NKX2-5: variants seen among roughly 807,000 people sequenced by gnomAD.
NKX2-5 encodes NK2 homeobox 5.
Under a neutral mutation model 24.5 loss-of-function variants are expected in NKX2-5, and 3 were observed. The ratio of observed to expected loss-of-function variants is 0.12; its 90% CI spans 0.06 to 0.32. NKX2-5 has a LOEUF of 0.32. NKX2-5 is among the 10% of genes least tolerant of loss of function. NKX2-5 has a pLI of 1.00. For missense variants in NKX2-5, 429 were observed against 452.4 expected (o/e 0.95, Z 0.47); for synonymous variants, 215 against 217.6 (o/e 0.99, Z 0.11).
At position 173,233,150 on chromosome 5, in the gene NKX2-5, G is replaced by T. The variant is rs757630702; in HGVS notation, c.394C>A (p.Arg132=). 1 of 1,602,262 alleles carries T rather than the reference G, an allele frequency of 6.2e-7. No homozygotes were observed. ...LEKTEADNAE[R]PRARRRRKPR... ...TTCCTCCGCCGTCGCGCCCGGGGCC[G>T]CTCCGCGTTGTCCGCCTCTGTCTTC... is the stretch of plus-strand genomic sequence containing the variant. Residue 132 remains arginine (R), a synonymous_variant, in exon 2 of 2, where the codon CGG becomes AGG. Coordinates refer to ENST00000329198, the MANE Select transcript of NKX2-5 (RefSeq NM_004387.4).
In NKX2-5 at chr5:173,234,815, G is replaced by A. The variant is rs1169653363; in HGVS notation, c.269C>T (p.Pro90Leu). Residue 90 changes from proline to leucine, a missense_variant, in exon 1 of 2, where the codon CCC becomes CTC. Coordinates refer to ENST00000329198, the MANE Select transcript of NKX2-5 (RefSeq NM_004387.4). ...GCTGTAGGCACGTGGATAGAAGGCG[G>A]GGGCGGCGGGAAAGGCAGACGCACA... ...AKCASAFPAA[P>L]AFYPRAYSDP... 4 of 1,585,016 alleles carry A rather than the reference G, an allele frequency of 2.5e-6. No individual in the cohort carries two copies. The highest frequency in any genetic ancestry group is 2.6e-6 in the Non-Finnish European group (3 of 1,167,480).
intron 1 of NKX2-5, chr5:173,234,424 T>C: frequency 1.4e-6 from 1 of 705,744 alleles, no homozygotes; most frequent in Non-Finnish European, 1.7e-6. Context: ...TCTGCTTGTC[T>C]CTCTGTTCTG....
rs1561618741 is a variant in NKX2-5, at chr5:173,232,444, GT to G, written c.*124del. 5 of 1,497,166 alleles carry G rather than the reference GT, an allele frequency of 3.3e-6. No homozygotes were observed. The Admixed American group carries it at 6.5e-5, about 20-fold the overall frequency. The allele number at this position is 1,497,166 out of a possible 1,614,324, so 92.7% of individuals were successfully genotyped here. ...CGCGTGGGACAGAAAAAGTTCCTAG[GT>G]CTCCGCAGGAGTGAATGCAAAATCC... is the stretch of plus-strand genomic sequence containing the variant. On this transcript the variant is annotated 3_prime_UTR_variant, in exon 2 of 2. Transcript: ENST00000329198. The surrounding 1 kb of genome is among the most constrained non-coding windows in gnomAD (Gnocchi z 5.9).
chr5:173,233,818 C>T (rs1761396269), intron 1 of NKX2-5: 5 of 983,776 alleles, frequency 5.1e-6, no homozygotes, highest in African/African-American at 1.7e-5. Context: ...CAGTTCTAGC[C>T]GCCGTGCCCG....
Position 173,235,019 on chromosome 5 carries a change from T to C in NKX2-5, c.65A>G (p.Gln22Arg), listed in dbSNP as rs201442000. ...FSVKDILNLE[Q>R]QQRSLAAAGE... is the part of the protein sequence containing the mutation. ...GGCGGCAGCCAGGCTGCGCTGCTGC[T>C]GTTCCAGGTTTAGGATGTCTTTGAC... The change falls in exon 1 of 2, where the codon CAG (glutamine) becomes CGG (arginine). Residue 22 changes from glutamine (Q) to arginine (R), a missense_variant. Transcript: ENST00000329198. 2.7e-4 allele frequency: 436 copies of C among 1,611,708 alleles called. No homozygotes were observed. Among genetic ancestry groups the C allele is most frequent in the Non-Finnish European group, 3.6e-4 (424 of 1,179,288 alleles).
chr5:173,232,656 G>A lies in NKX2-5; in HGVS notation c.888C>T (p.Gly296=). The A allele has an allele frequency of 1.2e-6, 2 of 1,612,988 alleles. No homozygotes were observed. Among genetic ancestry groups the A allele is most frequent in the Non-Finnish European group, 1.7e-6 (2 of 1,179,432 alleles). ...TCTGAACCGCATTCAAGTCCCCGAC[G>A]CCGAAGTTCACGAAGTTGTTGTTGG... ...AAANNNFVNF[G]VGDLNAVQSP... is the part of the protein sequence containing the mutation. The change falls in exon 2 of 2, where the codon GGC becomes GGT. Residue 296 remains glycine (G), a synonymous_variant. Coordinates refer to ENST00000329198, the MANE Select transcript of NKX2-5 (RefSeq NM_004387.4). This position sits in a 1 kb window ranked among gnomAD's most constrained non-coding sequence, Gnocchi z 5.9.
chr5:173,232,344 A>T lies in NKX2-5; in HGVS notation c.*225T>A. 2.5e-6 allele frequency: 2 copies of T among 813,066 alleles called. No individual in the cohort carries two copies. Among genetic ancestry groups the T allele is most frequent in the Non-Finnish European group, 3.8e-6 (2 of 531,382 alleles). The allele number at this position is 813,066 out of a possible 1,614,324, so 50.4% of individuals were successfully genotyped here. ...GGGCACTCCTGGGGGGACAGCTAAG[A>T]CACCAGGCTGCAGGATCACTCATTG... On this transcript the variant is annotated 3_prime_UTR_variant, in exon 2 of 2. Coordinates refer to ENST00000329198, the MANE Select transcript of NKX2-5 (RefSeq NM_004387.4). This position sits in a 1 kb window ranked among gnomAD's most constrained non-coding sequence, Gnocchi z 5.9.
rs1171246712 is a variant in NKX2-5 at position 173,235,121 on chromosome 5, A to C, written c.-38T>G. 1 of 1,571,600 alleles carries C rather than the reference A, an allele frequency of 6.4e-7. No homozygotes were observed. Among genetic ancestry groups the C allele is most frequent in the East Asian group, 2.3e-5 (1 of 43,934 alleles). On this transcript the variant is annotated 5_prime_UTR_variant, in exon 1 of 2. Transcript: ENST00000329198. ...AGTCTCACAGCGCCAGGTGGGCGGCAGAAAGCGGCGCTGCCCACGGCCCCT... is the reference window on the plus strand; with the variant it reads ...AGTCTCACAGCGCCAGGTGGGCGGCCGAAAGCGGCGCTGCCCACGGCCCCT...
At position 173,232,498 on chromosome 5, in the gene NKX2-5, C is replaced by T; in HGVS notation, c.*71G>A. 2 of 1,582,626 alleles carry T rather than the reference C, an allele frequency of 1.3e-6. No individual in the cohort carries two copies. Among genetic ancestry groups the T allele is most frequent in the Non-Finnish European group, 1.7e-6 (2 of 1,171,898 alleles). On this transcript the variant is annotated 3_prime_UTR_variant, in exon 2 of 2. Coordinates refer to ENST00000329198, the MANE Select transcript of NKX2-5 (RefSeq NM_004387.4). This position sits in a 1 kb window ranked among gnomAD's most constrained non-coding sequence, Gnocchi z 5.9. ...GGGACTCAGGGTCATGTTGGGAGCC[C>T]CTTCTCCCCCCGAGAGTCAGGGAGC... is the stretch of plus-strand genomic sequence containing the variant.
At chr5:173,233,746 A>G (rs1003034022) in intron 1 of NKX2-5, 7 of 726,988 alleles carry the variant, frequency 9.6e-6, no homozygotes, top group Non-Finnish European at 1.2e-5. Context: ...GTGTCCAAGA[A>G]GCTGCGGGTG....
In NKX2-5 at chr5:173,232,341, A is replaced by G. The variant is rs900746550; in HGVS notation, c.*228T>C. 1.3e-6 allele frequency: 1 copy of G among 796,578 alleles called. No individual in the cohort carries two copies. The allele number at this position is 796,578 out of a possible 1,614,324, so 49.3% of individuals were successfully genotyped here. A position where few individuals can be genotyped will look rare whatever the true frequency, so the allele number is the denominator to read the frequency against. On this transcript the variant is annotated 3_prime_UTR_variant, in exon 2 of 2. Coordinates refer to ENST00000329198, the MANE Select transcript of NKX2-5 (RefSeq NM_004387.4). The surrounding 1 kb of genome is among the most constrained non-coding windows in gnomAD (Gnocchi z 5.9). ...GGAGGGCACTCCTGGGGGGACAGCT[A>G]AGACACCAGGCTGCAGGATCACTCA... is the stretch of plus-strand genomic sequence containing the variant.
At position 173,232,377 on chromosome 5, in the gene NKX2-5, C is replaced by T; in HGVS notation, c.*192G>A. The T allele has an allele frequency of 1.9e-5, 20 of 1,069,948 alleles. No individual in the cohort carries two copies. Among genetic ancestry groups the T allele is most frequent in the Non-Finnish European group, 2.7e-5 (20 of 753,724 alleles). 66.3% of individuals were successfully genotyped at this position (1,069,948 alleles called of 1,614,324 possible). A position where few individuals can be genotyped will look rare whatever the true frequency, so the allele number is the denominator to read the frequency against. On this transcript the variant is annotated 3_prime_UTR_variant, in exon 2 of 2. Transcript: ENST00000329198. This position sits in a 1 kb window ranked among gnomAD's most constrained non-coding sequence, Gnocchi z 5.9. ...CTGCAGGATCACTCATTGCACGCTG[C>T]ATAATCGCCGCCACAAACTCTCCCG... is the stretch of plus-strand genomic sequence containing the variant.
At chr5:173,233,610 A>G (rs1369271760) in intron 1 of NKX2-5, 2 of 682,900 alleles carry the variant, frequency 2.9e-6, no homozygotes, top group Non-Finnish European at 4.8e-6. Context: ...AGTTAAATGA[A>G]CAGAGGCCGA....
In NKX2-5 at chr5:173,234,129, C is replaced by G. The variant is rs550040404; in HGVS notation, c.334+621G>C. 3.1e-6 allele frequency: 4 copies of G among 1,289,084 alleles called. No homozygotes were observed. The East Asian group carries it at 2.2e-4, about 72-fold the overall frequency. 79.9% of individuals were successfully genotyped at this position (1,289,084 alleles called of 1,614,324 possible). A position where few individuals can be genotyped will look rare whatever the true frequency, so the allele number is the denominator to read the frequency against. On this transcript the variant is annotated intron_variant, in intron 1 of 1. Coordinates refer to ENST00000329198, the MANE Select transcript of NKX2-5 (RefSeq NM_004387.4). ...GGGAACCTCTCCGCCCTGGCCGCGC[C>G]GGCAAGTTGTGCTGAAAAAATAAAG...
At chr5:173,233,367 C>T (rs1229899239) in intron 1 of NKX2-5, 158 bp from the exon 2 acceptor site, 2 of 1,536,796 alleles carry the variant, frequency 1.3e-6, no homozygotes, top group African/African-American at 2.7e-5. Flanking sequence ...GCACTGGGAG[C>T]CACCGACACG....
chr5:173,233,808 C>T (rs1761395964), intron 1 of NKX2-5: 1 of 979,950 alleles, frequency 1.0e-6, no homozygotes, highest in African/African-American at 1.8e-5. Context: ...TGGTAGCGAT[C>T]AGTTCTAGCC....
chr5:173,232,576 G>T lies in NKX2-5; in HGVS notation c.968C>A (p.Ala323Asp), dbSNP rs1188394387. The change falls in exon 2 of 2, where the codon GCC (alanine) becomes GAC (aspartate). Residue 323 changes from alanine (A) to aspartate (D), a missense_variant. Transcript: ENST00000329198. This position sits in a 1 kb window ranked among gnomAD's most constrained non-coding sequence, Gnocchi z 5.9. ...SGVSTLHGIR[A>D]W is the part of the protein sequence containing the mutation. ...GCCACGCGGGTCCCTTCCCTACCAG[G>T]CTCGGATACCATGCAGCGTGGACAC... 2 of 1,608,706 alleles carry T rather than the reference G, an allele frequency of 1.2e-6. No individual in the cohort carries two copies. Among genetic ancestry groups the T allele is most frequent in the East Asian group, 2.2e-5 (1 of 44,872 alleles).
chr5:173,232,607 A>G lies in NKX2-5; in HGVS notation c.937T>C (p.Ser313Pro), dbSNP rs777867699. ...ATACCATGCAGCGTGGACACTCCCGAGTTGCTCTGCGGAATCCCGGGGCTC... is the reference window on the plus strand; with the variant it reads ...ATACCATGCAGCGTGGACACTCCCGGGTTGCTCTGCGGAATCCCGGGGCTC... ...VQSPGIPQSN[S>P]GVSTLHGIRA... The change falls in exon 2 of 2, where the codon TCG becomes CCG. Residue 313 changes from serine (S) to proline (P), a missense_variant. This residue lies in a region of NKX2-5 where 183 missense variants were observed against 185.9 expected (regional missense o/e 0.98). Transcript: ENST00000329198. This position sits in a 1 kb window ranked among gnomAD's most constrained non-coding sequence, Gnocchi z 5.9. 4 of 1,612,920 alleles carry G rather than the reference A, an allele frequency of 2.5e-6. No individual in the cohort carries two copies. The Admixed American group carries it at 6.7e-5, about 27-fold the overall frequency.
Position 173,232,431 on chromosome 5 carries a change from A to G in NKX2-5, c.*138T>C. On this transcript the variant is annotated 3_prime_UTR_variant, in exon 2 of 2. Transcript: ENST00000329198. The surrounding 1 kb of genome is among the most constrained non-coding windows in gnomAD (Gnocchi z 5.9). ...GCAAGAACAAACGCGCGTGGGACAG[A>G]AAAAGTTCCTAGGTCTCCGCAGGAG... 6.8e-7 allele frequency: 1 copy of G among 1,473,722 alleles called. No individual in the cohort carries two copies. Among genetic ancestry groups the G allele is most frequent in the Non-Finnish European group, 9.0e-7 (1 of 1,105,792 alleles). 91.3% of individuals were successfully genotyped at this position (1,473,722 alleles called of 1,614,324 possible). A position where few individuals can be genotyped will look rare whatever the true frequency, so the allele number is the denominator to read the frequency against.
Sources: gnomAD v4.1 joint callset for allele counts on GRCh38, gnomAD v4.1.1 for gene constraint, gnomAD v4.1.1 regional missense constraint, Gnocchi (gnomAD v3.1) non-coding constraint, MANE v1.5 for transcripts, NCBI Gene and HGNC (gene_info 2026-07-23, HGNC 2026-07-21) for gene names.